The following NUP210L variants were observed in gnomAD, a reference collection of about 807,000 sequenced individuals.
The protein encoded by NUP210L is nuclear pore membrane glycoprotein 210-like.
A neutral mutation model predicts 208.5 loss-of-function variants in NUP210L; 74 were observed. The observed-to-expected ratio is 0.35, with a 90% CI of 0.29 to 0.43. The LOEUF is 0.43. Among genes scored for constraint, NUP210L ranks in the 20% least tolerant of loss-of-function variants. The probability of loss-of-function intolerance (pLI) is 1.00; values close to 1 mark genes in which losing one functional copy is unlikely to be tolerated. For missense variants in NUP210L, 1,843 were observed against 2,289.4 expected, an observed-to-expected ratio of 0.81 and a Z score of 3.98; for synonymous variants, 780 against 816.9, an observed-to-expected ratio of 0.95 and a Z score of 0.77.
intron 16 of NUP210L, among the ~76,000 whole-genome samples, chr1:154,087,738 A>G (rs1000405723): frequency 2.6e-5 from 4 of 152,224 alleles, no homozygotes; most frequent in Non-Finnish European, 4.4e-5. Context: ...TATCTACACA[A>G]TGGAATATTA....
At chr1:154,135,736 A>T (rs1658500590) in intron 7 of NUP210L, 78 bp downstream of exon 7, 1 of 1,335,796 alleles carries the variant, frequency 7.5e-7, no homozygotes, top group Non-Finnish European at 1.1e-6. Context: ...CATTCTTAAT[A>T]AATTATTTTA....
chr1:154,102,888 A>G (rs1394655200), intron 13 of NUP210L, among the ~76,000 whole-genome samples: 2 of 152,160 alleles, frequency 1.3e-5, no homozygotes, highest in Non-Finnish European at 2.9e-5. Flanking sequence ...GAAAGAAGAA[A>G]AGAGCTTGAG....
In NUP210L at chr1:154,046,056, G is replaced by C. The variant is rs763402505; in HGVS notation, c.3696+13C>G. The C allele has an allele frequency of 1.2e-6, 2 of 1,610,552 alleles. No homozygotes were observed. Among genetic ancestry groups the C allele is most frequent in the Non-Finnish European group, 1.7e-6 (2 of 1,178,588 alleles). On this transcript the variant is annotated intron_variant, in intron 27 of 39. Coordinates refer to ENST00000368559, the Ensembl canonical transcript of NUP210L. Reference sequence around the variant, plus strand: ...GATCCCTAAGATAACACAATAAACAGGCAAATTCTTACCTCTGAATGCCTG... The same window carrying C: ...GATCCCTAAGATAACACAATAAACACGCAAATTCTTACCTCTGAATGCCTG...
intron 20 of NUP210L, among the ~76,000 whole-genome samples, chr1:154,059,368 A>C (rs985584631): frequency 6.6e-6 from 1 of 151,950 alleles, no homozygotes; most frequent in Admixed American, 6.6e-5. Flanking sequence ...GCATGGTGGC[A>C]CACACCTATA....
intron 25 of NUP210L, among the ~76,000 whole-genome samples, chr1:154,052,182 C>T (rs539194591): frequency 6.6e-6 from 1 of 152,326 alleles, no homozygotes; most frequent in East Asian, 1.9e-4. Flanking sequence ...GTAGTGAGAT[C>T]CGTTAGCAAA....
chr1:154,136,947 T>C (rs552175599), intron 6 of NUP210L, among the ~76,000 whole-genome samples: 24 of 131,922 alleles, frequency 1.8e-4, no homozygotes, highest in African/African-American at 6.6e-4. Flanking sequence ...AAAAGCTCAA[T>C]GTAACTTTTA....
At chr1:154,121,258 A>C (rs1271028979) in intron 10 of NUP210L, among the ~76,000 whole-genome samples, 1 of 152,142 alleles carries the variant, frequency 6.6e-6, no homozygotes, top group Non-Finnish European at 1.5e-5. Flanking sequence ...TAATAATTTA[A>C]ACAGCTGTTT....
At chr1:154,140,839 A>AAC (rs1658820671) in intron 4 of NUP210L, among the ~76,000 whole-genome samples, 1 of 133,636 alleles carries the variant, frequency 7.5e-6, no homozygotes, top group Non-Finnish European at 1.6e-5. Flanking sequence ...ACAACAACAA[A>AAC]AAAAATTAGC....
chr1:154,046,089 G>C (rs759768055), exon 27 of NUP210L: 2 of 1,614,096 alleles, frequency 1.2e-6, no homozygotes, highest in South Asian at 1.1e-5. Flanking sequence ...CTGGGCACTA[G>C]ATCCAATACA....
chr1:154,035,267 C>CT (rs1652469507), intron 27 of NUP210L, among the ~76,000 whole-genome samples: 1 of 151,916 alleles, frequency 6.6e-6, no homozygotes, highest in African/African-American at 2.4e-5. Flanking sequence ...CTTTTGTATT[C>CT]TTTTTCATTT....
chr1:154,006,946 G>GTATATATATA (rs1553219854), intron 35 of NUP210L, among the ~76,000 whole-genome samples: 6 of 95,444 alleles, frequency 6.3e-5, no homozygotes, highest in Admixed American at 4.3e-4. Context: ...GTGTGTGTGT[G>GTATATATATA]TATATATATA....
chr1:154,072,543 A>G (rs1654804567), intron 16 of NUP210L, among the ~76,000 whole-genome samples: 2 of 152,146 alleles, frequency 1.3e-5, no homozygotes, highest in South Asian at 4.1e-4. Context: ...CGTGTTAGCC[A>G]GGATGGTCTT....
At chr1:154,063,539 T>A (rs753489832) in intron 17 of NUP210L, among the ~76,000 whole-genome samples, 17 of 152,206 alleles carry the variant, frequency 1.1e-4, no homozygotes, top group Non-Finnish European at 2.4e-4. Flanking sequence ...ATGGTGACAG[T>A]ATAGTCAGCA....
chr1:154,082,837 C>T (rs748519314), intron 16 of NUP210L, among the ~76,000 whole-genome samples: 20 of 151,872 alleles, frequency 1.3e-4, no homozygotes, highest in African/African-American at 1.2e-4. Flanking sequence ...AAAGGTGGCA[C>T]GTCTGGACTT....
At position 154,083,629 on chromosome 1, in the gene NUP210L, T is replaced by C. The variant is rs1655469010; in HGVS notation, c.2361+5792A>G. 7.2e-5 allele frequency among the ~76,000 whole-genome samples: 11 copies of C among 152,196 alleles called. No individual in the cohort carries two copies. The South Asian group carries it at 2.3e-3, about 32-fold the overall frequency. ...CACCCAGCTGGTGTCTGCTGCTTGATGTGTGGGGAAAAAACCCATACGTTT... is the reference window on the plus strand; with the variant it reads ...CACCCAGCTGGTGTCTGCTGCTTGACGTGTGGGGAAAAAACCCATACGTTT... On this transcript the variant is annotated intron_variant, in intron 16 of 39. Transcript: ENST00000368559.
intron 16 of NUP210L, among the ~76,000 whole-genome samples, chr1:154,073,011 C>T (rs1044619060): frequency 6.6e-6 from 1 of 152,120 alleles, no homozygotes. Flanking sequence ...AAAATCTTCA[C>T]GATCTATACA....
intron 24 of NUP210L, 145 bp downstream of exon 24, chr1:154,054,625 A>C (rs1653708800): frequency 2.6e-6 from 2 of 755,222 alleles, no homozygotes; most frequent in Non-Finnish European, 4.4e-6. Flanking sequence ...GGTCAGGGAA[A>C]ATACTAATCT....
intron 37 of NUP210L, among the ~76,000 whole-genome samples, chr1:153,999,787 C>G (rs977229692): frequency 3.0e-5 from 4 of 131,598 alleles, no homozygotes; most frequent in African/African-American, 1.1e-4. Context: ...AGTATACTTA[C>G]AAAGCTGGCA....
At chr1:154,022,403 C>G (rs1651617933) in intron 31 of NUP210L, 60 bp from the exon 32 acceptor site, 3 of 1,332,304 alleles carry the variant, frequency 2.3e-6, no homozygotes, top group African/African-American at 1.4e-5. Context: ...GAAAATAGTT[C>G]TGGAGAACAC....
Sources: gnomAD v4.1 joint callset for allele counts (sites outside exome capture counted in the v4.1 genomes callset) on GRCh38, gnomAD v4.1.1 for gene constraint, MANE v1.5 for transcripts, NCBI Gene and HGNC (gene_info 2026-07-23, HGNC 2026-07-21) for gene names.